Variants in FGD4 observed in about 807,000 individuals in gnomAD.
The protein encoded by FGD4 is FYVE, RhoGEF and PH domain containing 4, also known as FYVE, RhoGEF and PH domain-containing protein 4.
A neutral mutation model predicts 102.0 loss-of-function variants in FGD4; 42 were observed. That is an observed-to-expected ratio of 0.41 (90% CI 0.32 to 0.53). FGD4 has a LOEUF of 0.53. FGD4 is among the 20% of genes least tolerant of loss of function. The pLI is 0.21. For synonymous variants in FGD4, 380 were observed against 375.7 expected, an observed-to-expected ratio of 1.01 and a Z score of -0.13; for missense variants, 902 against 1,078.2, an observed-to-expected ratio of 0.84 and a Z score of 2.29.
intron 4 of FGD4, among the ~76,000 whole-genome samples, chr12:32,591,213 T>C (rs555198105): frequency 2.0e-5 from 3 of 152,196 alleles, no homozygotes; most frequent in Non-Finnish European, 4.4e-5. Context: ...GAATAGAAAC[T>C]TCCCATGATT....
chr12:32,414,024 T>C (rs1417232858), intron 1 of FGD4, among the ~76,000 whole-genome samples: 1 of 146,182 alleles, frequency 6.8e-6, no homozygotes, highest in African/African-American at 2.6e-5. Context: ...CAGGCTGGAG[T>C]GCAATGGCAT....
At chr12:32,415,509 G>C (rs1436575369) in intron 1 of FGD4, among the ~76,000 whole-genome samples, 1 of 141,986 alleles carries the variant, frequency 7.0e-6, no homozygotes, top group African/African-American at 2.7e-5. Context: ...TGCAAGCTCC[G>C]TCTCCTGGGT....
rs1267043755 is a variant in FGD4, at chr12:32,561,070, G to GTTTTTTTTTTTTTTTTTTTTTTTTTT, written c.167-3063_167-3062insTTTTTTTTTTTTTTTTTTTTTTTTTT. Among the ~76,000 whole-genome samples, 5 of 90,786 alleles carry GTTTTTTTTTTTTTTTTTTTTTTTTTT rather than the reference G, an allele frequency of 5.5e-5. 1 individual carries two copies. The highest frequency in any genetic ancestry group is 4.1e-4 in the South Asian group (1 of 2,450). 59.6% of individuals were successfully genotyped at this position (90,786 alleles called of 152,430 possible). ...AGCAGAAATGTGGTTTCTTTGTTGG[G>GTTTTTTTTTTTTTTTTTTTTTTTTTT]TTTTGTTTTTTTTTTTTTTTTTTTT... On this transcript the variant is annotated intron_variant, in intron 1 of 16. Transcript: ENST00000534526.
chr12:32,537,350 C>T (rs1485200622), intron 1 of FGD4, among the ~76,000 whole-genome samples: 5 of 152,170 alleles, frequency 3.3e-5, no homozygotes, highest in Non-Finnish European at 7.3e-5. Flanking sequence ...CTGTTACTTG[C>T]CCTGCTTTAG....
intron 12 of FGD4, 89 bp downstream of exon 12, chr12:32,624,541 A>AT (rs1950034116): frequency 4.6e-6 from 5 of 1,082,522 alleles, no homozygotes; most frequent in Non-Finnish European, 6.9e-6. Flanking sequence ...TGGTGTGATC[A>AT]TGTCTCACTG....
In FGD4 at chr12:32,506,936, T is replaced by A. The variant is rs1251989771; in HGVS notation, c.167-57201T>A. On this transcript the variant is annotated intron_variant, in intron 1 of 16. Transcript: ENST00000534526. The surrounding 1 kb of genome is among the most constrained non-coding windows in gnomAD (Gnocchi z 4.5). ...TGGCAAACTTTATTTTTATTTATTT[T>A]TTATTATTATACTTTAAGTTTTAGG... 6.6e-6 allele frequency among the ~76,000 whole-genome samples: 1 copy of A among 152,136 alleles called. No homozygotes were observed. Among genetic ancestry groups the A allele is most frequent in the Non-Finnish European group, 1.5e-5 (1 of 68,030 alleles).
At chr12:32,573,101 G>T (rs1234095872) in intron 2 of FGD4, among the ~76,000 whole-genome samples, 1 of 151,954 alleles carries the variant, frequency 6.6e-6, no homozygotes, top group Non-Finnish European at 1.5e-5. Flanking sequence ...ACTGGAATTG[G>T]ATTTTTTTTT....
At chr12:32,446,796 C>T (rs187750631) in intron 1 of FGD4, among the ~76,000 whole-genome samples, 15 of 152,220 alleles carry the variant, frequency 9.9e-5, no homozygotes, top group African/African-American at 3.6e-4. Context: ...ATGCCTAGAG[C>T]GCGTAGAGAT....
At chr12:32,589,158 C>G (rs1008338832) in intron 4 of FGD4, among the ~76,000 whole-genome samples, 1 of 152,186 alleles carries the variant, frequency 6.6e-6, no homozygotes, top group African/African-American at 2.4e-5. Context: ...TAGAACAGTG[C>G]CTTGGCATAT....
intron 1 of FGD4, among the ~76,000 whole-genome samples, chr12:32,515,142 T>C (rs1349474869): frequency 6.6e-6 from 1 of 152,100 alleles, no homozygotes; most frequent in African/African-American, 2.4e-5. Context: ...AAATTACCAA[T>C]CCCATTTCAA....
intron 1 of FGD4, among the ~76,000 whole-genome samples, chr12:32,423,981 G>A (rs1565732049): frequency 6.7e-6 from 1 of 150,340 alleles, no homozygotes; most frequent in Non-Finnish European, 1.5e-5. Flanking sequence ...TACTGTATTT[G>A]TCTTTCTGTG....
chr12:32,497,238 C>A (rs1592016376), intron 1 of FGD4, among the ~76,000 whole-genome samples: 1 of 152,122 alleles, frequency 6.6e-6, no homozygotes, highest in Admixed American at 6.5e-5. Flanking sequence ...AGATTCTTAA[C>A]CTTAACCCCT....
intron 1 of FGD4, among the ~76,000 whole-genome samples, chr12:32,429,823 C>T (rs565890740): frequency 2.6e-4 from 40 of 152,252 alleles, no homozygotes; most frequent in Middle Eastern, 3.4e-3. Context: ...GTGAGGACAA[C>T]CAGAGGTCTC....
chr12:32,447,807 G>A (rs1345001995), intron 1 of FGD4, among the ~76,000 whole-genome samples: 4 of 152,320 alleles, frequency 2.6e-5, no homozygotes, highest in Admixed American at 6.5e-5. Context: ...TCAGTACACC[G>A]TGTCTGATTT....
rs542547873 is a variant in FGD4 at position 32,472,201 on chromosome 12, G to A, written c.166+72242G>A. The stretch of plus-strand genomic sequence containing the variant: ...CTCCCACTTTGGTGGCATTTGAGGA[G>A]CCCTTCAGCCCCCCACTGCACTGTG... On this transcript the variant is annotated intron_variant, in intron 1 of 16. Transcript: ENST00000534526. 1.9e-4 allele frequency among the ~76,000 whole-genome samples: 29 copies of A among 152,340 alleles called. No homozygotes were observed. In the South Asian group the frequency reaches 2.3e-3, roughly 12 times the overall value.
chr12:32,442,387 C>G (rs1487256748), intron 1 of FGD4, among the ~76,000 whole-genome samples: 2 of 151,994 alleles, frequency 1.3e-5, no homozygotes, highest in Non-Finnish European at 1.5e-5. Flanking sequence ...GTGCATGTTT[C>G]ACTGTGATAT....
intron 1 of FGD4, among the ~76,000 whole-genome samples, chr12:32,422,919 C>T (rs762403958): frequency 7.9e-5 from 12 of 152,108 alleles, no homozygotes; most frequent in Middle Eastern, 3.2e-3. Context: ...TTACCCTCAT[C>T]GTACAGAAGA....
At chr12:32,423,176 G>A (rs1054156489) in intron 1 of FGD4, among the ~76,000 whole-genome samples, 1 of 152,060 alleles carries the variant, frequency 6.6e-6, no homozygotes, top group Admixed American at 6.6e-5. Flanking sequence ...CAACTCTTTG[G>A]TTTATTACTG....
In FGD4 at chr12:32,561,465, G is replaced by C. The variant is rs1445173877; in HGVS notation, c.167-2672G>C. Among the ~76,000 whole-genome samples, 3 of 152,108 alleles carry C rather than the reference G, an allele frequency of 2.0e-5. No homozygotes were observed. The East Asian group carries it at 5.8e-4, about 29-fold the overall frequency. On this transcript the variant is annotated intron_variant, in intron 1 of 16. Transcript: ENST00000534526. ...TTGGGTTTTTTTTACTCAATAGAAA[G>C]TTGATTGGGTTTTTTAAAAATAGCT...
Sources: allele counts gnomAD v4.1 joint callset (sites outside exome capture counted in the v4.1 genomes callset), GRCh38; gene constraint gnomAD v4.1.1; non-coding constraint Gnocchi (gnomAD v3.1); transcripts MANE v1.5; gene names NCBI Gene and HGNC (gene_info 2026-07-23, HGNC 2026-07-21).